Variants in SOS2 observed in about 807,000 individuals in gnomAD.
SOS2 encodes the protein SOS Ras/Rho guanine nucleotide exchange factor 2, also known as son of sevenless homolog 2.
In SOS2, 65 loss-of-function variants were observed where a neutral mutation model predicts 148.2. The ratio of observed to expected loss-of-function variants is 0.44; its 90% CI spans 0.36 to 0.54. The LOEUF (loss-of-function observed/expected upper bound fraction) is 0.54, where lower values mean the gene tolerates loss of function less well. Among genes scored for constraint, SOS2 ranks in the 20% least tolerant of loss-of-function variants. The pLI is 0.00. For missense variants in SOS2, 1,341 were observed against 1,590.2 expected (o/e 0.84, Z 2.67); for synonymous variants, 539 against 537.1 (o/e 1.00, Z -0.05).
At position 50,201,032 on chromosome 14, in the gene SOS2, T is replaced by C. The variant is rs780385201; in HGVS notation, c.266A>G (p.Asp89Gly). 1.2e-6 allele frequency: 2 copies of C among 1,613,890 alleles called. No homozygotes were observed. The highest frequency in any genetic ancestry group is 1.7e-6 in the Non-Finnish European group (2 of 1,179,852). ...TCGTTTTTCTATAGCAGATTGTGCATCAGCAATGGCCCATTTATCAATTGG... is the reference window on the plus strand; with the variant it reads ...TCGTTTTTCTATAGCAGATTGTGCACCAGCAATGGCCCATTTATCAATTGG... The part of the protein sequence containing the change: ...PHPIDKWAIA[D>G]AQSAIEKRKR... The change falls in exon 3 of 23, where the codon GAT (aspartate) becomes GGT (glycine). Residue 89 changes from aspartate to glycine, a missense_variant. By Grantham distance (94) the Asp-to-Gly change is moderately conservative. Coordinates refer to ENST00000216373, the MANE Select transcript of SOS2 (RefSeq NM_006939.4).
At chr14:50,211,461 A>G (rs1403286208) in intron 1 of SOS2, among the ~76,000 whole-genome samples, 1 of 152,008 alleles carries the variant, frequency 6.6e-6, no homozygotes, top group East Asian at 1.9e-4. Flanking sequence ...TACCTCCTCT[A>G]TTAGTCCCCG....
chr14:50,200,005 C>T (rs1886434868), intron 3 of SOS2, 150 bp from the exon 4 acceptor site: 2 of 517,132 alleles, frequency 3.9e-6, no homozygotes, highest in Non-Finnish European at 6.7e-6. Flanking sequence ...TAAAATGAAT[C>T]TTTGGTCCCT....
At chr14:50,191,124 T>C (rs1381978047) in intron 4 of SOS2, among the ~76,000 whole-genome samples, 2 of 152,068 alleles carry the variant, frequency 1.3e-5, no homozygotes, top group African/African-American at 2.4e-5. Flanking sequence ...CTACTTGTTT[T>C]CTCTAGTTTT....
In SOS2 at chr14:50,133,812, TC is replaced by T. The variant is rs559226519; in HGVS notation, c.3075+310del. On this transcript the variant is annotated intron_variant, in intron 19 of 22. Coordinates refer to ENST00000216373, the MANE Select transcript of SOS2 (RefSeq NM_006939.4). ...AACCAAAATACATTTGCTTACTCCT[TC>T]CCAGGTCTTTTCTTTTTTTTTCTGT... is the stretch of plus-strand genomic sequence containing the variant. Among the ~76,000 whole-genome samples, 542 of 152,220 alleles carry T rather than the reference TC, an allele frequency of 3.6e-3. 3 individuals carry two copies. The highest frequency in any genetic ancestry group is 0.013 in the African/African-American group (522 of 41,544).
In SOS2 at chr14:50,194,453, A is replaced by ATT. The variant is rs58933204; in HGVS notation, c.510+5236_510+5237dup. Among the ~76,000 whole-genome samples the ATT allele has an allele frequency of 1.9e-3, 192 of 98,726 alleles. No homozygotes were observed. In the Middle Eastern group the frequency reaches 0.03, roughly 15 times the overall value. 64.8% of individuals were successfully genotyped at this position (98,726 alleles called of 152,430 possible). On this transcript the variant is annotated intron_variant, in intron 4 of 22. Transcript: ENST00000216373. Reference sequence around the variant, plus strand: ...CTCATTTCTTATATAATCCCTTTCAATTTTTTTTTTTTTTTTTTTTTTTTT... The same window carrying ATT: ...CTCATTTCTTATATAATCCCTTTCAATTTTTTTTTTTTTTTTTTTTTTTTTTT...
At chr14:50,189,158 A>C (rs1886031761) in intron 4 of SOS2, among the ~76,000 whole-genome samples, 2 of 151,566 alleles carry the variant, frequency 1.3e-5, no homozygotes, top group Non-Finnish European at 2.9e-5. Context: ...TTTATATGAT[A>C]AAACCTAGAA....
At chr14:50,127,906 G>T (rs1192494409) in intron 21 of SOS2, among the ~76,000 whole-genome samples, 1 of 152,170 alleles carries the variant, frequency 6.6e-6, no homozygotes. Context: ...GGAGGAAAAT[G>T]AGTTCAAAAT....
chr14:50,189,077 A>ACACACACG (rs1287457026), intron 4 of SOS2, among the ~76,000 whole-genome samples: 1 of 150,060 alleles, frequency 6.7e-6, no homozygotes, highest in Admixed American at 6.7e-5. Context: ...ACACACACAC[A>ACACACACG]CACACACACA....
At chr14:50,188,952 T>C (rs1314171185) in intron 4 of SOS2, among the ~76,000 whole-genome samples, 1 of 151,522 alleles carries the variant, frequency 6.6e-6, no homozygotes, top group Non-Finnish European at 1.5e-5. Context: ...TAATCCCAGC[T>C]ATTTGGGAGG....
upstream of SOS2, among the ~76,000 whole-genome samples, chr14:50,231,787 G>A (rs1220559347): frequency 6.6e-6 from 1 of 152,054 alleles, no homozygotes; most frequent in Non-Finnish European, 1.5e-5. Context: ...ACAGAGCTCT[G>A]GGGACCGACC....
At chr14:50,136,978 A>T (rs969000975) in intron 18 of SOS2, among the ~76,000 whole-genome samples, 1 of 152,136 alleles carries the variant, frequency 6.6e-6, no homozygotes, top group East Asian at 1.9e-4. Context: ...AGAAGTTTCT[A>T]TCTCATAATT....
intron 5 of SOS2, among the ~76,000 whole-genome samples, chr14:50,186,741 T>TA (rs1885923733): frequency 6.6e-6 from 1 of 152,098 alleles, no homozygotes; most frequent in South Asian, 2.1e-4. Context: ...TTGAAAAACA[T>TA]AAAGTTCTGA....
intron 1 of SOS2, chr14:50,215,373 C>T: frequency 7.8e-7 from 1 of 1,278,224 alleles, no homozygotes; most frequent in African/African-American, 1.5e-5. Context: ...TAAAATCTCA[C>T]CCATAAATGC....
At chr14:50,188,436 GA>G in intron 5 of SOS2, 60 bp downstream of exon 5, 1 of 1,092,164 alleles carries the variant, frequency 9.2e-7, no homozygotes, top group Non-Finnish European at 1.4e-6. Context: ...GACTATTTAT[GA>G]TTTTAAGCTG....
chr14:50,147,263 G>A (rs1202399103), intron 14 of SOS2, among the ~76,000 whole-genome samples: 2 of 151,742 alleles, frequency 1.3e-5, no homozygotes, highest in Admixed American at 6.6e-5. Flanking sequence ...TAATCCTGGC[G>A]TTTTGGGAGG....
intron 1 of SOS2, among the ~76,000 whole-genome samples, chr14:50,222,814 T>G (rs1166424778): frequency 6.6e-6 from 1 of 152,216 alleles, no homozygotes; most frequent in African/African-American, 2.4e-5. Flanking sequence ...GGAGGACTTT[T>G]TTGACTTTTA....
intron 12 of SOS2, among the ~76,000 whole-genome samples, chr14:50,153,663 A>G (rs1368664713): frequency 1.3e-5 from 2 of 152,134 alleles, no homozygotes; most frequent in Non-Finnish European, 2.9e-5. Flanking sequence ...CCCAGGCTGG[A>G]GTGCAATGGT....
intron 2 of SOS2, among the ~76,000 whole-genome samples, chr14:50,201,500 C>G (rs1262757304): frequency 7.1e-6 from 1 of 140,630 alleles, no homozygotes; most frequent in East Asian, 2.2e-4. Context: ...TGCCACTGCA[C>G]TCCAGCCTGG....
chr14:50,161,021 G>A (rs1884989458), intron 9 of SOS2, among the ~76,000 whole-genome samples: 1 of 151,340 alleles, frequency 6.6e-6, no homozygotes, highest in African/African-American at 2.4e-5. Flanking sequence ...TTAAAAAAAA[G>A]AAAAAAAGGC....
Sources: gnomAD v4.1 joint callset for allele counts (sites outside exome capture counted in the v4.1 genomes callset) on GRCh38, gnomAD v4.1.1 for gene constraint, MANE v1.5 for transcripts, NCBI Gene and HGNC (gene_info 2026-07-23, HGNC 2026-07-21) for gene names.